SAMTOR: variants seen among roughly 807,000 people sequenced by gnomAD.
SAMTOR encodes the protein S-adenosylmethionine sensor upstream of mTORC1.
the SAMTOR span, among the ~76,000 whole-genome samples, chr7:112,851,538 T>C: frequency 6.6e-6 from 1 of 152,064 alleles, no homozygotes; most frequent in African/African-American, 2.4e-5. Flanking sequence ...TATACAAAAA[T>C]TAACTGAAGA....
chr7:112,919,895 C>G, the SAMTOR span, among the ~76,000 whole-genome samples: 1 of 152,154 alleles, frequency 6.6e-6, no homozygotes, highest in African/African-American at 2.4e-5. Flanking sequence ...CAAGACTAAA[C>G]CAGGAAGAAG....
the SAMTOR span, among the ~76,000 whole-genome samples, chr7:112,895,164 T>C: frequency 1.3e-5 from 2 of 151,766 alleles, no homozygotes; most frequent in Non-Finnish European, 2.9e-5. Context: ...TTTTGATAAT[T>C]ACATAAGAAT....
chr7:112,935,442 T>C, the SAMTOR span, among the ~76,000 whole-genome samples: 1 of 152,224 alleles, frequency 6.6e-6, no homozygotes, highest in South Asian at 2.1e-4. Context: ...ACAATTCTCA[T>C]TTTAAGTGTT....
the SAMTOR span, among the ~76,000 whole-genome samples, chr7:112,936,687 G>A: frequency 6.6e-6 from 1 of 152,134 alleles, no homozygotes; most frequent in Non-Finnish European, 1.5e-5. Flanking sequence ...CAACCTCCCA[G>A]TCACTATCTA....
the SAMTOR span, among the ~76,000 whole-genome samples, chr7:112,931,257 T>C: frequency 6.6e-6 from 1 of 151,546 alleles, no homozygotes; most frequent in Non-Finnish European, 1.5e-5. Context: ...GGCAAAATAA[T>C]ATAGAGAGCA....
chr7:112,852,148 G>C, the SAMTOR span, among the ~76,000 whole-genome samples: 2 of 152,088 alleles, frequency 1.3e-5, no homozygotes, highest in Non-Finnish European at 2.9e-5. Flanking sequence ...AAAGACACCT[G>C]CCCTTGTATG....
the SAMTOR span, among the ~76,000 whole-genome samples, chr7:112,836,927 C>T: frequency 6.6e-6 from 1 of 151,928 alleles, no homozygotes; most frequent in Non-Finnish European, 1.5e-5. Context: ...GTGATTTGGG[C>T]TCTTTTCTGG....
At chr7:112,866,020 AT>A in the SAMTOR span, among the ~76,000 whole-genome samples, 1 of 151,870 alleles carries the variant, frequency 6.6e-6, no homozygotes, top group African/African-American at 2.4e-5. Context: ...ACCCTCTAAC[AT>A]TCTATATTAG....
At chr7:112,886,414 T>C in the SAMTOR span, among the ~76,000 whole-genome samples, 3 of 152,252 alleles carry the variant, frequency 2.0e-5, no homozygotes, top group South Asian at 2.1e-4. Flanking sequence ...AGCCCATTTA[T>C]ACTCTTCAAC....
chr7:112,873,685 A>C, the SAMTOR span, among the ~76,000 whole-genome samples: 1 of 152,160 alleles, frequency 6.6e-6, no homozygotes, highest in Non-Finnish European at 1.5e-5. Flanking sequence ...CCTACAAAGC[A>C]ATTGCTACAA....
chr7:112,929,631 C>T, the SAMTOR span, among the ~76,000 whole-genome samples: 3 of 151,968 alleles, frequency 2.0e-5, no homozygotes, highest in African/African-American at 7.3e-5. Context: ...ATCTGCAATC[C>T]TATAATCATT....
chr7:112,932,845 TG>T, the SAMTOR span, among the ~76,000 whole-genome samples: 3 of 152,218 alleles, frequency 2.0e-5, no homozygotes, highest in Non-Finnish European at 4.4e-5. Flanking sequence ...TACAATAAAC[TG>T]GCCTAAAAGA....
the SAMTOR span, among the ~76,000 whole-genome samples, chr7:112,926,312 A>G: frequency 6.6e-6 from 1 of 152,190 alleles, no homozygotes; most frequent in East Asian, 1.9e-4. Context: ...TTGAAACTCA[A>G]TTTACTCTAT....
chr7:112,880,771 T>C, the SAMTOR span, among the ~76,000 whole-genome samples: 7 of 152,310 alleles, frequency 4.6e-5, no homozygotes, highest in Admixed American at 2.0e-4. Context: ...ACAACGGATT[T>C]CAAACTAGAA....
the SAMTOR span, among the ~76,000 whole-genome samples, chr7:112,931,849 A>G: frequency 6.6e-6 from 1 of 152,188 alleles, no homozygotes; most frequent in Non-Finnish European, 1.5e-5. Context: ...TTCACTTCAA[A>G]TTTAAGAGAC....
chr7:112,905,400 A>G, the SAMTOR span, among the ~76,000 whole-genome samples: 3 of 152,222 alleles, frequency 2.0e-5, no homozygotes, highest in Non-Finnish European at 1.5e-5. Context: ...CAACCCCAAA[A>G]GTACTTAAAC....
the SAMTOR span, among the ~76,000 whole-genome samples, chr7:112,870,530 G>C: frequency 6.6e-6 from 1 of 152,070 alleles, no homozygotes; most frequent in East Asian, 1.9e-4. Flanking sequence ...CCCTACAAGA[G>C]ATACTTAAGG....
At chr7:112,849,870 T>G in the SAMTOR span, among the ~76,000 whole-genome samples, 2 of 152,208 alleles carry the variant, frequency 1.3e-5, no homozygotes, top group Non-Finnish European at 2.9e-5. Context: ...TTTTTGTTTT[T>G]AATTCTTTTT....
chr7:112,847,778 C>CAAAAAAAAAAAAAAAAAAAAA, the SAMTOR span, among the ~76,000 whole-genome samples: 3 of 151,478 alleles, frequency 2.0e-5, no homozygotes, highest in Admixed American at 6.6e-5. Context: ...AACTCTGTCT[C>CAAAAAAAAAAAAAAAAAAAAA]AAAAGAAAAG....
Sources: gnomAD v4.1 joint callset for allele counts (sites outside exome capture counted in the v4.1 genomes callset) on GRCh38, gnomAD v4.1.1 for gene constraint, MANE v1.5 for transcripts, NCBI Gene and HGNC (gene_info 2026-07-23, HGNC 2026-07-21) for gene names.